NCAM1: variants seen among roughly 807,000 people sequenced by gnomAD.
NCAM1 encodes antigen recognized by monoclonal antibody 5.1H11.
A neutral mutation model predicts 109.8 loss-of-function variants in NCAM1; 14 were observed. The ratio of observed to expected loss-of-function variants is 0.13; its 90% CI spans 0.08 to 0.20. NCAM1 has a LOEUF of 0.20. NCAM1 is among the 10% of genes least tolerant of loss of function. NCAM1 has a pLI of 1.00. For synonymous variants in NCAM1, 418 were observed against 442.9 expected, an observed-to-expected ratio of 0.94 and a Z score of 0.70; for missense variants, 774 against 1,109.9, an observed-to-expected ratio of 0.70 and a Z score of 4.30.
At chr11:113,222,839 TATC>T (rs1944726244) in intron 9 of NCAM1, among the ~76,000 whole-genome samples, 1 of 152,190 alleles carries the variant, frequency 6.6e-6, no homozygotes, top group Non-Finnish European at 1.5e-5. Context: ...GAAGTGTCCT[TATC>T]ATGAGTGTCT....
At chr11:113,259,571 C>T (rs1945926008) in intron 16 of NCAM1, among the ~76,000 whole-genome samples, 1 of 152,126 alleles carries the variant, frequency 6.6e-6, no homozygotes, top group Non-Finnish European at 1.5e-5. Flanking sequence ...GGTGATGGGA[C>T]CTTGACGGTG....
intron 1 of NCAM1, among the ~76,000 whole-genome samples, chr11:113,141,401 G>A (rs1257415967): frequency 6.6e-6 from 1 of 152,186 alleles, no homozygotes; most frequent in Non-Finnish European, 1.5e-5. Context: ...GGAGGCCGAG[G>A]TGGGCAGATC....
intron 17 of NCAM1, chr11:113,269,420 T>TGC (rs1378411626): frequency 2.0e-5 from 3 of 152,404 alleles, no homozygotes; most frequent in Non-Finnish European, 4.4e-5. Context: ...TGTGTGTGTG[T>TGC]GCACCTCTGA....
chr11:113,056,528 A>G (rs2135449609), intron 1 of NCAM1, among the ~76,000 whole-genome samples: 2 of 152,286 alleles, frequency 1.3e-5, no homozygotes, highest in Non-Finnish European at 2.9e-5. Flanking sequence ...TATCAATTTT[A>G]AAAGACTGTC....
chr11:113,120,290 A>T (rs2136026966), intron 1 of NCAM1, among the ~76,000 whole-genome samples: 1 of 152,310 alleles, frequency 6.6e-6, no homozygotes, highest in Admixed American at 6.5e-5. Flanking sequence ...ATCCAAGGGT[A>T]GTGTTAAAAG....
At chr11:113,060,520 G>A (rs1728355604) in intron 1 of NCAM1, among the ~76,000 whole-genome samples, 1 of 152,126 alleles carries the variant, frequency 6.6e-6, no homozygotes. Flanking sequence ...AAGAATTCTA[G>A]CTTTGAAGTT....
intron 1 of NCAM1, among the ~76,000 whole-genome samples, chr11:113,113,119 C>A (rs535965329): frequency 1.4e-4 from 21 of 152,144 alleles, no homozygotes; most frequent in Admixed American, 1.4e-3. Flanking sequence ...GGGGGACAGA[C>A]CAAGACTCCG....
chr11:112,971,564 T>C (rs1950883139), intron 1 of NCAM1, among the ~76,000 whole-genome samples: 1 of 152,092 alleles, frequency 6.6e-6, no homozygotes, highest in Non-Finnish European at 1.5e-5. Flanking sequence ...TTTTTTGAAA[T>C]GGTATCTCAC....
chr11:113,232,409 G>C (rs782121360), intron 11 of NCAM1, 55 bp downstream of exon 11: 163 of 1,518,936 alleles, frequency 1.1e-4, no homozygotes, highest in Non-Finnish European at 1.4e-4. Context: ...GACTCTAGGT[G>C]GGCTCCAAAA....
chr11:113,157,954 G>A (rs896294063), intron 1 of NCAM1, among the ~76,000 whole-genome samples: 1 of 151,962 alleles, frequency 6.6e-6, no homozygotes, highest in Admixed American at 6.6e-5. Flanking sequence ...GGTAATTGTG[G>A]GCATTCTTTA....
intron 1 of NCAM1, among the ~76,000 whole-genome samples, chr11:112,983,890 G>GTATT: frequency 1.3e-5 from 2 of 152,026 alleles, no homozygotes; most frequent in Non-Finnish European, 1.5e-5. Flanking sequence ...ATGTATGTAT[G>GTATT]TATTTATTTA....
At chr11:113,080,549 G>A (rs1053026329) in intron 1 of NCAM1, among the ~76,000 whole-genome samples, 14 of 151,600 alleles carry the variant, frequency 9.2e-5, no homozygotes, top group African/African-American at 3.4e-4. Context: ...TTGTGTATAA[G>A]AGCAAGCATC....
intron 1 of NCAM1, among the ~76,000 whole-genome samples, chr11:113,062,399 C>T (rs1413620446): frequency 1.1e-4 from 17 of 152,194 alleles, no homozygotes; most frequent in African/African-American, 3.1e-4. Flanking sequence ...GTTTTCAGCA[C>T]GACTAATTTT....
At chr11:113,125,636 C>T (rs1565450980) in intron 1 of NCAM1, among the ~76,000 whole-genome samples, 1 of 152,170 alleles carries the variant, frequency 6.6e-6, no homozygotes, top group East Asian at 1.9e-4. Flanking sequence ...CAAAGGTGGG[C>T]GGTCTGCTCA....
chr11:113,017,075 C>T (rs1372052798), intron 1 of NCAM1, among the ~76,000 whole-genome samples: 3 of 152,150 alleles, frequency 2.0e-5, no homozygotes, highest in African/African-American at 7.2e-5. Flanking sequence ...GTTTTGTCAA[C>T]GTGTTGCAAC....
At chr11:113,268,577 A>T (rs1194910240) in intron 17 of NCAM1, among the ~76,000 whole-genome samples, 4 of 152,184 alleles carry the variant, frequency 2.6e-5, no homozygotes, top group African/African-American at 9.6e-5. Flanking sequence ...CCATTCCCCA[A>T]ACTGAAGTTT....
intron 1 of NCAM1, among the ~76,000 whole-genome samples, chr11:113,091,348 G>A (rs868947878): frequency 6.6e-5 from 10 of 152,152 alleles, no homozygotes; most frequent in African/African-American, 2.4e-4. Context: ...GGCTCAAAGG[G>A]TTATCTCAGG....
At chr11:113,240,680 AGCTCCTCATACTGAT>A (rs1181720985) in intron 14 of NCAM1, 7 of 1,029,196 alleles carry the variant, frequency 6.8e-6, no homozygotes, top group Non-Finnish European at 1.1e-5. Context: ...AACTCACTTC[AGCTCCTCATACTGAT>A]GCCCCAGGGT....
At chr11:113,080,743 A>G (rs1555087026) in intron 1 of NCAM1, among the ~76,000 whole-genome samples, 1 of 152,238 alleles carries the variant, frequency 6.6e-6, no homozygotes, top group African/African-American at 2.4e-5. Context: ...GGAGCCATAC[A>G]TAGAGTCACA....
Sources: gnomAD v4.1 joint callset for allele counts (sites outside exome capture counted in the v4.1 genomes callset) on GRCh38, gnomAD v4.1.1 for gene constraint, MANE v1.5 for transcripts, NCBI Gene and HGNC (gene_info 2026-07-23, HGNC 2026-07-21) for gene names.